SPON1: variants seen among roughly 807,000 people sequenced by gnomAD.
SPON1 encodes spondin 1, also known as spondin-1.
A neutral mutation model predicts 111.7 loss-of-function variants in SPON1; 52 were observed. That is an observed-to-expected ratio of 0.47 (90% CI 0.37 to 0.59). SPON1 has a LOEUF of 0.59. Ranked by LOEUF, SPON1 falls within the 20% of genes least tolerant of loss-of-function variation. The pLI, the probability that SPON1 is intolerant of heterozygous loss-of-function variation, is 0.00. For synonymous variants in SPON1, 410 were observed against 395.8 expected, an observed-to-expected ratio of 1.04 and a Z score of -0.43; for missense variants, 957 against 1,068.5, an observed-to-expected ratio of 0.90 and a Z score of 1.46.
chr11:14,004,740 C>A (rs1479658084), intron 2 of SPON1, among the ~76,000 whole-genome samples: 1 of 151,992 alleles, frequency 6.6e-6, no homozygotes, highest in South Asian at 2.1e-4. Context: ...ATATTAACTC[C>A]TTATCAGATA....
chr11:14,160,152 C>T (rs944682411), intron 6 of SPON1, among the ~76,000 whole-genome samples: 4 of 150,910 alleles, frequency 2.7e-5, no homozygotes, highest in South Asian at 4.2e-4. Context: ...TCTCATGTAC[C>T]TCATAAATAT....
At chr11:14,137,307 A>G (rs1488121981) in intron 6 of SPON1, among the ~76,000 whole-genome samples, 2 of 152,152 alleles carry the variant, frequency 1.3e-5, no homozygotes, top group Non-Finnish European at 2.9e-5. Context: ...GTTCTTTGGT[A>G]TGTTCCTAAT....
rs1847950130 is a variant in SPON1, at chr11:14,161,165, ATC to A, written c.825+25599_825+25600del. ...CTATATATCTATATATTTTATATAT[ATC>A]TATATATCTATATATTTATATATCT... On this transcript the variant is annotated intron_variant, in intron 6 of 15. Coordinates refer to ENST00000576479, the MANE Select transcript of SPON1 (RefSeq NM_006108.4). Among the ~76,000 whole-genome samples, 3 of 103,542 alleles carry A rather than the reference ATC, an allele frequency of 2.9e-5. No individual in the cohort carries two copies. In the South Asian group the frequency reaches 9.0e-4, roughly 31 times the overall value. The allele number at this position is 103,542 out of a possible 152,430, so 67.9% of individuals were successfully genotyped here. A position where few individuals can be genotyped will look rare whatever the true frequency, so the allele number is the denominator to read the frequency against.
Position 14,074,731 on chromosome 11 carries a change from G to A in SPON1, c.480-614G>A, listed in dbSNP as rs554206036. Among the ~76,000 whole-genome samples, 9 of 152,286 alleles carry A rather than the reference G, an allele frequency of 5.9e-5. No individual in the cohort carries two copies. In the South Asian group the frequency reaches 1.7e-3, roughly 28 times the overall value. The stretch of plus-strand genomic sequence containing the variant: ...AAGCGAAAATATGTGCTGGCCAAAA[G>A]TAAGTCATTTTTCAGCCTCAAAATA... On this transcript the variant is annotated intron_variant, in intron 3 of 15. Transcript: ENST00000576479.
At chr11:14,125,339 T>C (rs1264354551) in intron 5 of SPON1, among the ~76,000 whole-genome samples, 3 of 152,200 alleles carry the variant, frequency 2.0e-5, no homozygotes, top group Admixed American at 6.5e-5. Flanking sequence ...ACATTGTGCA[T>C]GGATGAGTCT....
chr11:14,065,270 G>C (rs1279293607), intron 3 of SPON1, among the ~76,000 whole-genome samples: 3 of 152,340 alleles, frequency 2.0e-5, no homozygotes, highest in Non-Finnish European at 4.4e-5. Flanking sequence ...CTTGCAGTCA[G>C]CCCTAGTTTG....
intron 6 of SPON1, among the ~76,000 whole-genome samples, chr11:14,181,299 C>A (rs1473876533): frequency 6.6e-6 from 1 of 152,182 alleles, no homozygotes; most frequent in African/African-American, 2.4e-5. Flanking sequence ...GTGGTTTAGT[C>A]TTCTTGGAGC....
At chr11:14,106,507 G>A (rs1283006935) in intron 5 of SPON1, among the ~76,000 whole-genome samples, 2 of 152,138 alleles carry the variant, frequency 1.3e-5, no homozygotes, top group African/African-American at 4.8e-5. Flanking sequence ...ATCACAAGTG[G>A]AGTTTCTGCA....
chr11:14,118,127 T>A (rs1473398726), intron 5 of SPON1, among the ~76,000 whole-genome samples: 1 of 152,204 alleles, frequency 6.6e-6, no homozygotes, highest in East Asian at 1.9e-4. Flanking sequence ...TGTTATACTC[T>A]AAAAAACAAA....
At chr11:14,231,394 A>G (rs1848801057) in intron 6 of SPON1, among the ~76,000 whole-genome samples, 1 of 152,054 alleles carries the variant, frequency 6.6e-6, no homozygotes, top group African/African-American at 2.4e-5. Context: ...TGGCCTCCCA[A>G]AGTGCTGGGA....
chr11:14,244,977 C>T (rs1320961274), intron 7 of SPON1, among the ~76,000 whole-genome samples: 2 of 152,176 alleles, frequency 1.3e-5, no homozygotes, highest in African/African-American at 2.4e-5. Flanking sequence ...CCTTTAAAGA[C>T]GCAAGGCCTG....
At chr11:14,039,720 G>C (rs1223487173) in intron 2 of SPON1, among the ~76,000 whole-genome samples, 1 of 152,144 alleles carries the variant, frequency 6.6e-6, no homozygotes, top group African/African-American at 2.4e-5. Flanking sequence ...TAGGAGATAA[G>C]TTGATGAATT....
chr11:14,012,182 G>C (rs187152040), intron 2 of SPON1, among the ~76,000 whole-genome samples: 1 of 152,260 alleles, frequency 6.6e-6, no homozygotes, highest in East Asian at 1.9e-4. Flanking sequence ...CAGCCTTCCA[G>C]AGGTCTAACA....
chr11:14,264,646 T>C (rs1554942276), intron 15 of SPON1, among the ~76,000 whole-genome samples: 1 of 152,200 alleles, frequency 6.6e-6, no homozygotes, highest in East Asian at 1.9e-4. Context: ...AAGCCTACTA[T>C]GTGGCAGGTA....
intron 2 of SPON1, among the ~76,000 whole-genome samples, chr11:13,988,836 G>A: frequency 6.6e-6 from 1 of 152,094 alleles, no homozygotes; most frequent in Non-Finnish European, 1.5e-5. Flanking sequence ...TTCTGTTTAT[G>A]TGATGGATTA....
At chr11:14,090,494 G>C (rs1276591571) in intron 5 of SPON1, among the ~76,000 whole-genome samples, 2 of 152,124 alleles carry the variant, frequency 1.3e-5, no homozygotes, top group African/African-American at 4.8e-5. Context: ...CTGATGTTCA[G>C]ATGTGTTTGG....
chr11:14,109,244 G>A (rs782694836), intron 5 of SPON1, among the ~76,000 whole-genome samples: 4 of 152,054 alleles, frequency 2.6e-5, no homozygotes, highest in East Asian at 3.8e-4. Context: ...CTAAGAAGCC[G>A]GGACTACAGG....
intron 3 of SPON1, among the ~76,000 whole-genome samples, chr11:14,050,013 C>A (rs1554918283): frequency 1.8e-5 from 1 of 56,248 alleles, no homozygotes; most frequent in Non-Finnish European, 5.6e-5. Flanking sequence ...GTAATGGAAG[C>A]ATCACTCAGG....
chr11:14,187,896 C>G (rs1848304013), intron 6 of SPON1, among the ~76,000 whole-genome samples: 1 of 152,196 alleles, frequency 6.6e-6, no homozygotes, highest in Non-Finnish European at 1.5e-5. Context: ...ATTCTCCTGC[C>G]TCAGCCTCCT....
Sources: gnomAD v4.1 joint callset for allele counts (sites outside exome capture counted in the v4.1 genomes callset) on GRCh38, gnomAD v4.1.1 for gene constraint, MANE v1.5 for transcripts, NCBI Gene and HGNC (gene_info 2026-07-23, HGNC 2026-07-21) for gene names.